Variants in ZNF610 observed in about 807,000 individuals in gnomAD.
ZNF610 encodes zink finger protein.
In ZNF610, 14 loss-of-function variants were observed where a neutral mutation model predicts 14.1. That is an observed-to-expected ratio of 0.99 (90% CI 0.65 to 1.55). The LOEUF is 1.55. ZNF610 is among the 40% of genes most tolerant of loss of function. The pLI is 0.00. For synonymous variants in ZNF610, 185 were observed against 187.6 expected, an observed-to-expected ratio of 0.99 and a Z score of 0.11; for missense variants, 530 against 558.0, an observed-to-expected ratio of 0.95 and a Z score of 0.51.
At chr19:52,341,144 A>G (rs1320815968) in intron 1 of ZNF610, among the ~76,000 whole-genome samples, 2 of 152,244 alleles carry the variant, frequency 1.3e-5, no homozygotes, top group East Asian at 1.9e-4. Flanking sequence ...CCCCTCTTGC[A>G]TGCTCTATTT....
chr19:52,351,546 G>T (rs561448666), intron 3 of ZNF610, among the ~76,000 whole-genome samples: 5 of 152,032 alleles, frequency 3.3e-5, no homozygotes, highest in Non-Finnish European at 2.9e-5. Flanking sequence ...AGCCCAGGAG[G>T]AGTCTCTGGA....
chr19:52,363,650 G>A (rs1196563514), intron 5 of ZNF610, among the ~76,000 whole-genome samples: 7 of 152,088 alleles, frequency 4.6e-5, no homozygotes, highest in Middle Eastern at 3.2e-3. Flanking sequence ...TTGAGTAAAC[G>A]TCTGTTCTCT....
chr19:52,333,496 C>G (rs1984256034), upstream of ZNF610, among the ~76,000 whole-genome samples: 1 of 152,216 alleles, frequency 6.6e-6, no homozygotes, highest in African/African-American at 2.4e-5. Context: ...TGTTACGTCC[C>G]AGGCTATGAT....
intron 1 of ZNF610, among the ~76,000 whole-genome samples, chr19:52,344,849 A>G (rs1014774383): frequency 3.9e-5 from 6 of 152,140 alleles, no homozygotes; most frequent in African/African-American, 1.2e-4. Flanking sequence ...GTGGTGCAAT[A>G]TCGGCTCACT....
At chr19:52,357,292 G>C (rs556879553) in intron 5 of ZNF610, among the ~76,000 whole-genome samples, 3 of 152,082 alleles carry the variant, frequency 2.0e-5, no homozygotes, top group African/African-American at 7.2e-5. Flanking sequence ...TGAGGTGGGC[G>C]CATTACTTGA....
chr19:52,352,465 C>G (rs1167944366), intron 3 of ZNF610, among the ~76,000 whole-genome samples: 1 of 151,742 alleles, frequency 6.6e-6, no homozygotes, highest in Non-Finnish European at 1.5e-5. Context: ...CTCGAACTCC[C>G]CACCTCAGGT....
intron 5 of ZNF610, among the ~76,000 whole-genome samples, chr19:52,363,125 C>A (rs973174232): frequency 5.4e-5 from 8 of 148,366 alleles, no homozygotes; most frequent in Non-Finnish European, 1.2e-4. Flanking sequence ...TGGTTCTATC[C>A]CCTTTTTTTT....
intron 1 of ZNF610, among the ~76,000 whole-genome samples, chr19:52,337,675 G>A (rs1490288440): frequency 6.6e-6 from 1 of 152,188 alleles, no homozygotes; most frequent in African/African-American, 2.4e-5. Context: ...GAACCTGAGT[G>A]CAGATGAGCG....
upstream of ZNF610, among the ~76,000 whole-genome samples, chr19:52,332,783 G>A (rs779094871): frequency 9.2e-5 from 14 of 152,268 alleles, no homozygotes; most frequent in Non-Finnish European, 1.9e-4. This position sits in a 1 kb window ranked among gnomAD's most constrained non-coding sequence, Gnocchi z 4.1. Flanking sequence ...GTTGTTGAAG[G>A]AATTAAAAAC....
upstream of ZNF610, among the ~76,000 whole-genome samples, chr19:52,333,735 C>A (rs920875620): frequency 6.6e-6 from 1 of 152,114 alleles, no homozygotes; most frequent in African/African-American, 2.4e-5. Context: ...GAACTTTAAA[C>A]CTAATTAAAT....
At chr19:52,354,104 C>A (rs1041892464) in intron 4 of ZNF610, 147 bp from the exon 5 acceptor site, 5 of 1,131,170 alleles carry the variant, frequency 4.4e-6, no homozygotes, top group Non-Finnish European at 6.3e-6. Context: ...TTGCATATTC[C>A]CTAAGCATTC....
At chr19:52,361,420 A>G in intron 5 of ZNF610, among the ~76,000 whole-genome samples, 1 of 151,140 alleles carries the variant, frequency 6.6e-6, no homozygotes, top group East Asian at 2.0e-4. Context: ...CAGGAGATCC[A>G]CCCGCCTCGG....
chr19:52,366,869 G>C lies in ZNF610; in HGVS notation c.*102G>C. 1 of 906,838 alleles carries C rather than the reference G, an allele frequency of 1.1e-6. No individual in the cohort carries two copies. The highest frequency in any genetic ancestry group is 1.7e-5 in the South Asian group (1 of 57,282). The allele number at this position is 906,838 out of a possible 1,614,324, so 56.2% of individuals were successfully genotyped here. A position where few individuals can be genotyped will look rare whatever the true frequency, so the allele number is the denominator to read the frequency against. On this transcript the variant is annotated 3_prime_UTR_variant, in exon 6 of 6. Transcript: ENST00000403906. ...ATAAATGTGGCAAAGAATTTAGTTT[G>C]CATTGAAGCCTCATCACTCATCTCT...
chr19:52,366,092 C>T lies in ZNF610; in HGVS notation c.714C>T (p.Gly238=). 2 of 1,614,074 alleles carry T rather than the reference C, an allele frequency of 1.2e-6. No homozygotes were observed. The highest frequency in any genetic ancestry group is 1.7e-6 in the Non-Finnish European group (2 of 1,179,980). The change falls in exon 6 of 6, where the codon GGC becomes GGT. Residue 238 remains glycine, a synonymous_variant. Transcript: ENST00000403906. ...AEKPYKCTEC[G]KVFSRNSHLV... is the part of the protein sequence containing the mutation. ...AACCTTACAAATGTACTGAATGTGG[C>T]AAGGTCTTCAGTCGCAATTCACACC...
chr19:52,360,168 C>T (rs752398833), intron 5 of ZNF610, among the ~76,000 whole-genome samples: 1 of 152,112 alleles, frequency 6.6e-6, no homozygotes, highest in African/African-American at 2.4e-5. Flanking sequence ...GACCCTCTCT[C>T]GGGAGGTCTT....
intron 1 of ZNF610, among the ~76,000 whole-genome samples, chr19:52,341,543 T>G (rs1474499135): frequency 6.6e-6 from 1 of 151,910 alleles, no homozygotes; most frequent in Non-Finnish European, 1.5e-5. Flanking sequence ...CTCTTGACCT[T>G]GTAATCTGCC....
intron 5 of ZNF610, 97 bp downstream of exon 5, chr19:52,354,476 A>G: frequency 7.4e-7 from 1 of 1,358,580 alleles, no homozygotes; most frequent in Non-Finnish European, 1.0e-6. Context: ...GTGCAGTGGC[A>G]ATCATAGCTC....
intron 5 of ZNF610, among the ~76,000 whole-genome samples, chr19:52,358,690 C>T (rs975751848): frequency 1.3e-5 from 2 of 152,068 alleles, no homozygotes; most frequent in African/African-American, 4.8e-5. Flanking sequence ...TACCTTCTTT[C>T]TTGTGTTATC....
chr19:52,366,554 A>G lies in ZNF610; in HGVS notation c.1176A>G (p.Leu392=). ...GTCCGGGCCTTATGGCCCATCTTCTAATCCATACTGGAGAGAAACCTTACA... is the reference window on the plus strand; with the variant it reads ...GTCCGGGCCTTATGGCCCATCTTCTGATCCATACTGGAGAGAAACCTTACA... The part of the protein sequence containing the change: ...HKRPGLMAHL[L]IHTGEKPYKC... Residue 392 remains leucine (L), a synonymous_variant, in exon 6 of 6, where the codon CTA becomes CTG. Transcript: ENST00000403906. 1 of 1,614,240 alleles carries G rather than the reference A, an allele frequency of 6.2e-7. No homozygotes were observed. The highest frequency in any genetic ancestry group is 1.1e-5 in the South Asian group (1 of 91,084).
Sources: allele counts gnomAD v4.1 joint callset (sites outside exome capture counted in the v4.1 genomes callset), GRCh38; gene constraint gnomAD v4.1.1; non-coding constraint Gnocchi (gnomAD v3.1); transcripts MANE v1.5; gene names NCBI Gene and HGNC (gene_info 2026-07-23, HGNC 2026-07-21).